Variants in ZNF385D observed in about 807,000 individuals in gnomAD.
ZNF385D encodes the protein zinc finger protein 385D.
ZNF385D carries 15 observed loss-of-function variants against 35.8 expected under a neutral mutation model. The observed-to-expected ratio is 0.42, with a 90% CI of 0.28 to 0.64. The LOEUF (loss-of-function observed/expected upper bound fraction) is 0.64. ZNF385D is among the 30% of genes least tolerant of loss of function. The pLI, the probability that ZNF385D is intolerant of heterozygous loss-of-function variation, is 0.23. For synonymous variants in ZNF385D, 212 were observed against 186.8 expected (o/e 1.13, Z -1.10); for missense variants, 474 against 494.6 (o/e 0.96, Z 0.39).
At chr3:21,442,288 T>C (rs1249070541) in intron 4 of ZNF385D, among the ~76,000 whole-genome samples, 1 of 152,174 alleles carries the variant, frequency 6.6e-6, no homozygotes, top group Non-Finnish European at 1.5e-5. Context: ...GAGTTTCCTC[T>C]CAGGTAACAG....
intron 2 of ZNF385D, among the ~76,000 whole-genome samples, chr3:22,197,630 C>A (rs889384213): frequency 6.6e-6 from 1 of 152,050 alleles, no homozygotes; most frequent in Non-Finnish European, 1.5e-5. Flanking sequence ...TGGAGCTCTA[C>A]CCAAGCTTTT....
At chr3:22,024,556 G>A (rs369186890) in intron 3 of ZNF385D, among the ~76,000 whole-genome samples, 2 of 152,006 alleles carry the variant, frequency 1.3e-5, no homozygotes, top group African/African-American at 2.4e-5. Context: ...TAATAGTATG[G>A]AGAACTGTTA....
chr3:22,300,486 C>T lies in ZNF385D; in HGVS notation c.106+71964G>A, dbSNP rs77925182. Among the ~76,000 whole-genome samples, 14 of 151,496 alleles carry T rather than the reference C, an allele frequency of 9.2e-5. No homozygotes were observed. The East Asian group carries it at 2.1e-3, about 23-fold the overall frequency. ...TCTTCTGTACAGCAAAGAGAACAAT[C>T]AACAGAGAAGAGACAACCTATAGAT... On this transcript the variant is annotated intron_variant, in intron 2 of 5. Coordinates refer to the ZNF385D transcript ENST00000494108.
At chr3:22,312,735 T>G (rs924729479) in intron 2 of ZNF385D, among the ~76,000 whole-genome samples, 1 of 149,868 alleles carries the variant, frequency 6.7e-6, no homozygotes, top group Non-Finnish European at 1.5e-5. Context: ...TGGCAATCAT[T>G]AAAAAGTCAG....
At chr3:22,214,263 T>A (rs574659070) in intron 2 of ZNF385D, among the ~76,000 whole-genome samples, 3 of 152,264 alleles carry the variant, frequency 2.0e-5, no homozygotes, top group South Asian at 4.1e-4. Flanking sequence ...TGATTTCCTA[T>A]GCCTGTCTTT....
chr3:22,180,314 G>A (rs1226876027), intron 2 of ZNF385D, among the ~76,000 whole-genome samples: 1 of 152,136 alleles, frequency 6.6e-6, no homozygotes, highest in Non-Finnish European at 1.5e-5. Context: ...AACCAAACAT[G>A]TACAGGACAA....
chr3:21,637,458 T>C (rs1038947163), intron 2 of ZNF385D, among the ~76,000 whole-genome samples: 3 of 152,184 alleles, frequency 2.0e-5, no homozygotes, highest in African/African-American at 7.2e-5. Context: ...TTCTGTTCCA[T>C]TGGTCTGTAT....
intron 2 of ZNF385D, among the ~76,000 whole-genome samples, chr3:22,237,838 T>TTTTACAATTTGTGCTAGAGGAGC (rs1297464360): frequency 1.7e-4 from 26 of 151,354 alleles, no homozygotes; most frequent in South Asian, 8.6e-4. Flanking sequence ...GAGGTGGGGT[T>TTTTACAATTTGTGCTAGAGGAGC]TCACCACATT....
At chr3:21,544,854 G>C (rs2062316219) in intron 3 of ZNF385D, among the ~76,000 whole-genome samples, 1 of 152,108 alleles carries the variant, frequency 6.6e-6, no homozygotes, top group African/African-American at 2.4e-5. Context: ...TCAAACTTCA[G>C]TTTCAAAATT....
intron 3 of ZNF385D, among the ~76,000 whole-genome samples, chr3:21,886,836 A>G (rs572107961): frequency 1.3e-5 from 2 of 152,260 alleles, no homozygotes; most frequent in South Asian, 4.1e-4. Flanking sequence ...CTACCTAATG[A>G]CATTAACTTA....
chr3:21,623,585 T>C (rs928517011), intron 2 of ZNF385D, among the ~76,000 whole-genome samples: 5 of 151,980 alleles, frequency 3.3e-5, no homozygotes, highest in African/African-American at 1.2e-4. Flanking sequence ...CGAGCTATGA[T>C]GGAAATTGAG....
At chr3:21,778,603 T>TAC (rs36045612) in intron 3 of ZNF385D, among the ~76,000 whole-genome samples, 1 of 151,932 alleles carries the variant, frequency 6.6e-6, no homozygotes, top group Admixed American at 6.6e-5. Flanking sequence ...CATATATATA[T>TAC]ACCTGTCTCA....
intron 3 of ZNF385D, among the ~76,000 whole-genome samples, chr3:22,116,162 G>A (rs945117671): frequency 1.4e-4 from 22 of 151,896 alleles, no homozygotes; most frequent in African/African-American, 4.6e-4. Context: ...ATAATAATAT[G>A]TATTTAAAAT....
intron 3 of ZNF385D, among the ~76,000 whole-genome samples, chr3:22,154,385 C>T (rs573318912): frequency 6.6e-6 from 1 of 152,192 alleles, no homozygotes; most frequent in Admixed American, 6.5e-5. Flanking sequence ...TCTTACCTTC[C>T]CAGGATCCAG....
chr3:21,588,131 A>T (rs2063865809), intron 2 of ZNF385D, among the ~76,000 whole-genome samples: 1 of 152,162 alleles, frequency 6.6e-6, no homozygotes, highest in South Asian at 2.1e-4. Flanking sequence ...TGTAGAGATA[A>T]ATACCACAGA....
At chr3:22,316,942 T>G (rs1703920620) in intron 2 of ZNF385D, among the ~76,000 whole-genome samples, 1 of 152,146 alleles carries the variant, frequency 6.6e-6, no homozygotes, top group South Asian at 2.1e-4. Context: ...GGGCTCAGTC[T>G]GGAACTTCCT....
chr3:21,997,404 C>T (rs949859191), intron 3 of ZNF385D, among the ~76,000 whole-genome samples: 2 of 151,842 alleles, frequency 1.3e-5, no homozygotes, highest in African/African-American at 2.4e-5. Context: ...ATGTAAATGA[C>T]GAGTTAACGG....
rs1258968156 is a variant in ZNF385D, at chr3:22,237,789, G to A, written c.107-68754C>T. 2.0e-5 allele frequency among the ~76,000 whole-genome samples: 3 copies of A among 151,948 alleles called. No homozygotes were observed. The East Asian group carries it at 5.8e-4, about 29-fold the overall frequency. On this transcript the variant is annotated intron_variant, in intron 2 of 5. Coordinates refer to the ZNF385D transcript ENST00000494108. ...CTCCTGAGAATCTGGGACTACAGGT[G>A]CACACCACCATGCCTGGCTAATTTT...
rs571104755 is a variant in ZNF385D, at chr3:21,580,231, A to G, written c.166-15547T>C. On this transcript the variant is annotated intron_variant, in intron 2 of 7. Coordinates refer to ENST00000281523, the MANE Select transcript of ZNF385D (RefSeq NM_024697.3). ...CCTGCCCCTGTTCTGGACGTGACCAATTTTAGCCTCAAAGAATTTTGTGAT... is the reference window on the plus strand; with the variant it reads ...CCTGCCCCTGTTCTGGACGTGACCAGTTTTAGCCTCAAAGAATTTTGTGAT... Among the ~76,000 whole-genome samples the G allele has an allele frequency of 2.2e-4, 34 of 152,288 alleles. 1 individual carries two copies. The South Asian group carries it at 6.2e-3, about 28-fold the overall frequency.
Sources: allele counts gnomAD v4.1 joint callset (sites outside exome capture counted in the v4.1 genomes callset), GRCh38; gene constraint gnomAD v4.1.1; transcripts MANE v1.5; gene names NCBI Gene and HGNC (gene_info 2026-07-23, HGNC 2026-07-21).